The following MYO9A variants were observed in gnomAD, a reference collection of about 807,000 sequenced individuals.
MYO9A encodes the protein unconventional myosin-IXa.
In MYO9A, 103 loss-of-function variants were observed where a neutral mutation model predicts 293.3. The observed-to-expected ratio is 0.35, with a 90% CI of 0.30 to 0.41. The LOEUF (loss-of-function observed/expected upper bound fraction) is 0.41, where lower values mean the gene tolerates loss of function less well. Among genes scored for constraint, MYO9A ranks in the 10% least tolerant of loss-of-function variants. The pLI is 1.00. For synonymous variants in MYO9A, 1,001 were observed against 1,035.7 expected (o/e 0.97, Z 0.64); for missense variants, 2,685 against 3,033.0 (o/e 0.89, Z 2.69).
chr15:71,898,616 C>G lies in MYO9A; in HGVS notation c.3887G>C (p.Gly1296Ala). 1 of 1,614,132 alleles carries G rather than the reference C, an allele frequency of 6.2e-7. No homozygotes were observed. The highest frequency in any genetic ancestry group is 8.5e-7 in the Non-Finnish European group (1 of 1,180,018). ...SLELLKVRSL[G>A]GISPSEDRRW... The stretch of plus-strand genomic sequence containing the variant: ...GCGATCCTCTGAAGGAGAAATACCA[C>G]CAAGAGAACGAACTTTCAGCAATTC... Residue 1296 changes from glycine (G) to alanine (A), a missense_variant, in exon 25 of 42, where the codon GGT (glycine) becomes GCT (alanine). Around this residue, in one of 10 missense-constraint regions of MYO9A, gnomAD observed 1,434 missense variants for 1,497.7 expected, o/e 0.96. Transcript: ENST00000356056.
chr15:72,102,432 C>T (rs921173196), intron 1 of MYO9A, among the ~76,000 whole-genome samples: 17 of 148,780 alleles, frequency 1.1e-4, no homozygotes, highest in Non-Finnish European at 6.0e-5. Flanking sequence ...CACTATTGTC[C>T]TATGACCCTG....
chr15:71,937,077 G>GAAAATAC (rs1317799699), intron 16 of MYO9A, among the ~76,000 whole-genome samples: 5 of 151,956 alleles, frequency 3.3e-5, no homozygotes. Context: ...AATGCAGTAG[G>GAAAATAC]AAAATACATT....
chr15:72,110,117 G>A (rs974577203), intron 1 of MYO9A, among the ~76,000 whole-genome samples: 1 of 151,260 alleles, frequency 6.6e-6, no homozygotes, highest in African/African-American at 2.4e-5. Flanking sequence ...AATACAGTGA[G>A]ATGCTGTCTC....
chr15:72,053,034 C>G (rs773095480), intron 1 of MYO9A, among the ~76,000 whole-genome samples: 14 of 152,156 alleles, frequency 9.2e-5, no homozygotes, highest in Non-Finnish European at 1.9e-4. Context: ...TCCACAAAGC[C>G]AAAAACTTTT....
rs80223688 is a variant in MYO9A, at chr15:71,925,650, A to G, written c.2562+8020T>C. On this transcript the variant is annotated intron_variant, in intron 18 of 41. Transcript: ENST00000356056. Reference sequence around the variant, plus strand: ...TTAAACAGATAACAACTTTGCATACAAATACGCTAGACTTTTATCCCCATC... The same window carrying G: ...TTAAACAGATAACAACTTTGCATACGAATACGCTAGACTTTTATCCCCATC... 8.1e-4 allele frequency among the ~76,000 whole-genome samples: 123 copies of G among 152,282 alleles called. 3 individuals carry two copies. The East Asian group carries it at 0.023, about 28-fold the overall frequency.
At chr15:72,075,733 T>C (rs1465102191) in intron 1 of MYO9A, among the ~76,000 whole-genome samples, 1 of 151,868 alleles carries the variant, frequency 6.6e-6, no homozygotes, top group Non-Finnish European at 1.5e-5. Context: ...AAGACCAGCC[T>C]GGGCAACATA....
At chr15:72,070,347 G>A (rs1358343706) in intron 1 of MYO9A, among the ~76,000 whole-genome samples, 2 of 151,008 alleles carry the variant, frequency 1.3e-5, no homozygotes, top group African/African-American at 2.4e-5. Context: ...CCAGCTACTC[G>A]GGAGGCTGAG....
At chr15:72,033,007 A>C (rs1482975365) in intron 2 of MYO9A, among the ~76,000 whole-genome samples, 1 of 151,996 alleles carries the variant, frequency 6.6e-6, no homozygotes, top group Non-Finnish European at 1.5e-5. Flanking sequence ...CACGCCGCCA[A>C]GCCTGGCTAT....
At chr15:71,963,806 G>C (rs1484034618) in intron 13 of MYO9A, among the ~76,000 whole-genome samples, 1 of 152,118 alleles carries the variant, frequency 6.6e-6, no homozygotes, top group African/African-American at 2.4e-5. Flanking sequence ...ATTATTTCTT[G>C]AGATCCATTA....
At chr15:72,092,279 T>C (rs1040819707) in intron 1 of MYO9A, among the ~76,000 whole-genome samples, 1 of 152,230 alleles carries the variant, frequency 6.6e-6, no homozygotes, top group African/African-American at 2.4e-5. Flanking sequence ...AAACCTGTCC[T>C]ATTCTAACCT....
chr15:71,953,770 CCT>C (rs1567311929), intron 14 of MYO9A: 4 of 152,014 alleles, frequency 2.6e-5, no homozygotes, highest in African/African-American at 9.7e-5. Flanking sequence ...AGTGATATTC[CCT>C]GTTTGTTTTA....
intron 17 of MYO9A, 22 bp from the exon 18 acceptor site, chr15:71,933,731 T>TA (rs768844629): frequency 7.7e-6 from 12 of 1,561,186 alleles, no homozygotes; most frequent in East Asian, 4.6e-5. Context: ...AATCATTCAT[T>TA]AAAAAAAGCT....
intron 18 of MYO9A, 55 bp downstream of exon 18, chr15:71,933,615 A>C: frequency 2.0e-6 from 3 of 1,474,998 alleles, no homozygotes; most frequent in Non-Finnish European, 2.8e-6. Flanking sequence ...TATGAGTAAT[A>C]AAAAATAATT....
intron 1 of MYO9A, among the ~76,000 whole-genome samples, chr15:72,105,554 C>A (rs1300800080): frequency 7.4e-6 from 1 of 135,794 alleles, no homozygotes; most frequent in Non-Finnish European, 1.5e-5. Context: ...GTTGCCCAGG[C>A]TGGAGCACAA....
At chr15:71,986,918 C>G (rs2076421413) in intron 11 of MYO9A, among the ~76,000 whole-genome samples, 1 of 152,134 alleles carries the variant, frequency 6.6e-6, no homozygotes, top group African/African-American at 2.4e-5. Context: ...GCCTTTATCA[C>G]CACTCACCCA....
In MYO9A at chr15:72,117,905, C is replaced by T. The variant is rs1294573682; in HGVS notation, c.-297G>A. ...CCGCCCGGCCTGAGCAGGCACATCC[C>T]CCGCCGCACCCCGCCCAGAGAGCAC... On this transcript the variant is annotated 5_prime_UTR_variant, in exon 1 of 42. Transcript: ENST00000356056. 5 of 398,606 alleles carry T rather than the reference C, an allele frequency of 1.3e-5. No individual in the cohort carries two copies. Among genetic ancestry groups the T allele is most frequent in the Non-Finnish European group, 2.2e-5 (5 of 225,992 alleles). The allele number at this position is 398,606 out of a possible 1,614,324, so 24.7% of individuals were successfully genotyped here.
At chr15:71,950,886 C>G (rs1171652775) in intron 15 of MYO9A, among the ~76,000 whole-genome samples, 1 of 152,130 alleles carries the variant, frequency 6.6e-6, no homozygotes, top group African/African-American at 2.4e-5. Context: ...GTCCATTATA[C>G]GCAAATTGCT....
intron 2 of MYO9A, chr15:72,036,439 C>A (rs905748594): frequency 6.6e-6 from 1 of 152,084 alleles, no homozygotes. Context: ...GGCATTTAAT[C>A]AAGAAAAAAC....
chr15:71,951,855 C>T lies in MYO9A; in HGVS notation c.2224G>A (p.Asp742Asn), dbSNP rs761090653. ...TAPCAILKSM[D>N]SFSFLQHPVH... ...GGGTGTTGGAGAAAGCTAAAACTATCCATACTTTTCAAAATTGCACATGGC... is the reference window on the plus strand; with the variant it reads ...GGGTGTTGGAGAAAGCTAAAACTATTCATACTTTTCAAAATTGCACATGGC... Residue 742 changes from aspartate (D) to asparagine (N), a missense_variant, in exon 15 of 42, where the codon GAT becomes AAT. This residue lies in a region of MYO9A where 1,434 missense variants were observed against 1,497.7 expected (regional missense o/e 0.96). Transcript: ENST00000356056. 3 of 1,612,540 alleles carry T rather than the reference C, an allele frequency of 1.9e-6. No homozygotes were observed. The highest frequency in any genetic ancestry group is 2.5e-6 in the Non-Finnish European group (3 of 1,179,512).
Sources: allele counts gnomAD v4.1 joint callset (sites outside exome capture counted in the v4.1 genomes callset), GRCh38; gene constraint gnomAD v4.1.1; regional missense constraint gnomAD v4.1.1; transcripts MANE v1.5; gene names NCBI Gene and HGNC (gene_info 2026-07-23, HGNC 2026-07-21).